The following VGLL3 variants were observed in gnomAD, a reference collection of about 807,000 sequenced individuals.
The protein encoded by VGLL3 is vestigial like family member 3, also known as transcription cofactor vestigial-like protein 3.
Under a neutral mutation model 29.2 loss-of-function variants are expected in VGLL3, and 18 were observed. That is an observed-to-expected ratio of 0.62 (90% CI 0.43 to 0.91). The LOEUF is 0.91. Ranked by LOEUF, VGLL3 falls within the 40% of genes least tolerant of loss-of-function variation. The pLI, the probability that VGLL3 is intolerant of heterozygous loss-of-function variation, is 0.00. For synonymous variants in VGLL3, 180 were observed against 151.8 expected, an observed-to-expected ratio of 1.19 and a Z score of -1.36; for missense variants, 440 against 413.2, an observed-to-expected ratio of 1.06 and a Z score of -0.56.
chr3:86,961,237 A>G (rs1704832053), intron 3 of VGLL3, among the ~76,000 whole-genome samples: 4 of 152,132 alleles, frequency 2.6e-5, no homozygotes. Context: ...ACAAAGCATG[A>G]CTACTTTTGT....
rs1200022642 is a variant in VGLL3, at chr3:86,944,863, T to C, written c.*2161A>G. On this transcript the variant is annotated 3_prime_UTR_variant, in exon 4 of 4. Transcript: ENST00000398399. ...TAAATTACAAAGGAAGTTAATGTAT[T>C]CCGAAGGTGGATGTGGATGAGGCAA... 1 of 152,198 alleles carries C rather than the reference T, an allele frequency of 6.6e-6. No individual in the cohort carries two copies. The highest frequency in any genetic ancestry group is 1.9e-4 in the East Asian group (1 of 5,196). The allele number at this position is 152,198 out of a possible 1,614,324, so 9.4% of individuals were successfully genotyped here.
Position 86,969,128 on chromosome 3 carries a change from G to A in VGLL3, c.404-5C>T, listed in dbSNP as rs1705033234. 2 of 1,555,344 alleles carry A rather than the reference G, an allele frequency of 1.3e-6. No homozygotes were observed. The highest frequency in any genetic ancestry group is 1.7e-6 in the Non-Finnish European group (2 of 1,152,186). ...GGCTTGAGAGAGCTGAGCTGTCTGA[G>A]AAGACAGAAAATAAAAAACATTATT... On this transcript the variant is annotated splice_polypyrimidine_tract_variant and splice_region_variant and intron_variant, in intron 2 of 3. Coordinates refer to ENST00000398399, the MANE Select transcript of VGLL3 (RefSeq NM_016206.4).
chr3:86,990,681 G>A lies in VGLL3; in HGVS notation c.63C>T (p.Asn21=). 2 of 1,424,364 alleles carry A rather than the reference G, an allele frequency of 1.4e-6. No individual in the cohort carries two copies. Among genetic ancestry groups the A allele is most frequent in the Non-Finnish European group, 1.8e-6 (2 of 1,087,690 alleles). 88.2% of individuals were successfully genotyped at this position (1,424,364 alleles called of 1,614,324 possible). Residue 21 remains asparagine, a synonymous_variant, in exon 1 of 4, where the codon AAC becomes AAT. Transcript: ENST00000398399. Reference sequence around the variant, plus strand: ...TGGGGCAGGTTGTCGCTGCCATGGGGTTGGGCAGATACTGGGACGCTCCAT... The same window carrying A: ...TGGGGCAGGTTGTCGCTGCCATGGGATTGGGCAGATACTGGGACGCTCCAT... The part of the protein sequence containing the change: ...QPYGASQYLP[N]PMAATTCPTA...
intron 3 of VGLL3, among the ~76,000 whole-genome samples, chr3:86,952,060 C>A (rs1344009597): frequency 2.6e-5 from 4 of 152,100 alleles, no homozygotes; most frequent in Non-Finnish European, 5.9e-5. Context: ...AAAAAGCAGA[C>A]AACAACTTAT....
chr3:86,984,862 G>A (rs1043232894), intron 1 of VGLL3, among the ~76,000 whole-genome samples: 1 of 152,028 alleles, frequency 6.6e-6, no homozygotes, highest in Non-Finnish European at 1.5e-5. Context: ...TATGGCTGAT[G>A]GCATTATAAT....
chr3:86,942,199 C>A lies in VGLL3; in HGVS notation c.*4825G>T, dbSNP rs181309739. The A allele has an allele frequency of 1.3e-5, 2 of 152,056 alleles. No individual in the cohort carries two copies. The highest frequency in any genetic ancestry group is 1.9e-4 in the East Asian group (1 of 5,186). 9.4% of individuals were successfully genotyped at this position (152,056 alleles called of 1,614,324 possible). ...AAGAAAAAAAATGAGTTTCTAGGAG[C>A]CTCTCCATTAAACTGGCAGGCTGAT... On this transcript the variant is annotated 3_prime_UTR_variant, in exon 4 of 4. Coordinates refer to ENST00000398399, the MANE Select transcript of VGLL3 (RefSeq NM_016206.4).
At chr3:86,984,759 T>C (rs1172601031) in intron 1 of VGLL3, among the ~76,000 whole-genome samples, 3 of 152,156 alleles carry the variant, frequency 2.0e-5, no homozygotes, top group Non-Finnish European at 4.4e-5. Flanking sequence ...AAGATGAAAG[T>C]CATAGCCTGT....
chr3:86,941,276 A>T lies in VGLL3; in HGVS notation c.*5748T>A, dbSNP rs1335570979. On this transcript the variant is annotated 3_prime_UTR_variant, in exon 4 of 4. Transcript: ENST00000398399. ...AGAAATTAAATCAATTGTGTAAATA[A>T]TCATTATTAACTTTTGCTCTAGCCA... 6.6e-6 allele frequency: 1 copy of T among 152,478 alleles called. No individual in the cohort carries two copies. The highest frequency in any genetic ancestry group is 2.4e-5 in the African/African-American group (1 of 41,432). 9.4% of individuals were successfully genotyped at this position (152,478 alleles called of 1,614,324 possible).
At chr3:86,982,760 C>T (rs1705353099) in intron 1 of VGLL3, among the ~76,000 whole-genome samples, 2 of 152,110 alleles carry the variant, frequency 1.3e-5, no homozygotes, top group Admixed American at 1.3e-4. Context: ...AAAATAAAGT[C>T]ATCTAAAGGG....
rs567106031 is a variant in VGLL3, at chr3:86,969,076, A to G, written c.451T>C (p.Trp151Arg). 5.9e-5 allele frequency: 95 copies of G among 1,610,622 alleles called. No homozygotes were observed. In the South Asian group the frequency reaches 1.0e-3, roughly 17 times the overall value. ...SQRNSFPTSFWTSSYQPPPAP... is the reference protein window; with the variant it reads ...SQRNSFPTSFRTSSYQPPPAP... ...GGTGGGGGCTGGTAAGAGCTGGTCCAAAAGGAAGTTGGGAAACTATTCCGC... is the reference window on the plus strand; with the variant it reads ...GGTGGGGGCTGGTAAGAGCTGGTCCGAAAGGAAGTTGGGAAACTATTCCGC... Residue 151 changes from tryptophan to arginine, a missense_variant, in exon 3 of 4, where the codon TGG (tryptophan) becomes CGG (arginine). Trp to Arg is a moderately radical substitution (Grantham distance 101, BLOSUM62 -3). Coordinates refer to ENST00000398399, the MANE Select transcript of VGLL3 (RefSeq NM_016206.4).
chr3:86,943,508 T>G lies in VGLL3; in HGVS notation c.*3516A>C, dbSNP rs1365343649. On this transcript the variant is annotated 3_prime_UTR_variant, in exon 4 of 4. Coordinates refer to ENST00000398399, the MANE Select transcript of VGLL3 (RefSeq NM_016206.4). ...TTCATGTCAGTGCTTAGAATTTGGG[T>G]TTTTTTTTTAAAGTCTTATAAAGTT... 4.7e-5 allele frequency: 7 copies of G among 148,618 alleles called. No individual in the cohort carries two copies. The highest frequency in any genetic ancestry group is 1.3e-4 in the Admixed American group (2 of 14,876). 9.2% of individuals were successfully genotyped at this position (148,618 alleles called of 1,614,324 possible).
chr3:86,983,516 A>G (rs1192065661), intron 1 of VGLL3, among the ~76,000 whole-genome samples: 2 of 152,090 alleles, frequency 1.3e-5, no homozygotes, highest in Non-Finnish European at 2.9e-5. Context: ...TTCAACTGGG[A>G]CTACAGGTGT....
chr3:86,980,845 G>GA lies in VGLL3; in HGVS notation c.127-2044dup, dbSNP rs79689152. Among the ~76,000 whole-genome samples, 1,093 of 145,492 alleles carry GA rather than the reference G, an allele frequency of 7.5e-3. 3 individuals carry two copies. Among genetic ancestry groups the GA allele is most frequent in the Non-Finnish European group, 9.5e-3 (626 of 65,614 alleles). ...TTAGAAAGCAGCTCTGTTTTTCTAT[G>GA]AAAAAAAAAAACCCTAAAACCTATC... On this transcript the variant is annotated intron_variant, in intron 1 of 3. Coordinates refer to ENST00000398399, the MANE Select transcript of VGLL3 (RefSeq NM_016206.4).
intron 3 of VGLL3, among the ~76,000 whole-genome samples, 173 bp from the exon 4 acceptor site, chr3:86,947,240 A>G (rs1704527643): frequency 6.6e-6 from 1 of 152,188 alleles, no homozygotes; most frequent in Admixed American, 6.5e-5. Context: ...GGAGCTCACA[A>G]TTTTCAAAAA....
At chr3:86,980,127 C>CTT (rs544943595) in intron 1 of VGLL3, among the ~76,000 whole-genome samples, 2 of 140,208 alleles carry the variant, frequency 1.4e-5, no homozygotes, top group Non-Finnish European at 1.6e-5. Context: ...TTGATCATAC[C>CTT]TTTTTTTTTT....
At chr3:86,948,422 G>C (rs1223143943) in intron 3 of VGLL3, among the ~76,000 whole-genome samples, 1 of 152,020 alleles carries the variant, frequency 6.6e-6, no homozygotes, top group Non-Finnish European at 1.5e-5. Flanking sequence ...GTAAAATATG[G>C]ATTTCATTAC....
chr3:86,985,942 G>T, intron 1 of VGLL3, among the ~76,000 whole-genome samples: 1 of 152,046 alleles, frequency 6.6e-6, no homozygotes, highest in East Asian at 1.9e-4. Context: ...TTTGCTTTAA[G>T]ATCTGCCTTA....
At chr3:86,962,296 G>T in intron 3 of VGLL3, 2 of 985,492 alleles carry the variant, frequency 2.0e-6, no homozygotes, top group Non-Finnish European at 2.4e-6. Flanking sequence ...TGACAGCAAA[G>T]CAACACCAAG....
rs925677604 is a variant in VGLL3 at position 86,938,774 on chromosome 3, T to A, written c.*8250A>T. ...ACTGCTTAACTGATAGCAGATGGAGTGATTCAATCTGGACAAAAGTGTTAA... is the reference window on the plus strand; with the variant it reads ...ACTGCTTAACTGATAGCAGATGGAGAGATTCAATCTGGACAAAAGTGTTAA... On this transcript the variant is annotated 3_prime_UTR_variant, in exon 4 of 4. Coordinates refer to ENST00000398399, the MANE Select transcript of VGLL3 (RefSeq NM_016206.4). 1 of 152,456 alleles carries A rather than the reference T, an allele frequency of 6.6e-6. No individual in the cohort carries two copies. The highest frequency in any genetic ancestry group is 2.4e-5 in the African/African-American group (1 of 41,446). The allele number at this position is 152,456 out of a possible 1,614,324, so 9.4% of individuals were successfully genotyped here. A position where few individuals can be genotyped will look rare whatever the true frequency, so the allele number is the denominator to read the frequency against.
Sources: allele counts gnomAD v4.1 joint callset (sites outside exome capture counted in the v4.1 genomes callset), GRCh38; gene constraint gnomAD v4.1.1; transcripts MANE v1.5; gene names NCBI Gene and HGNC (gene_info 2026-07-23, HGNC 2026-07-21).